The following CYFIP2 variants were observed in gnomAD, a reference collection of about 807,000 sequenced individuals.
CYFIP2 encodes cytoplasmic FMR1-interacting protein 2.
CYFIP2 carries 29 observed loss-of-function variants against 158.7 expected under a neutral mutation model. The observed-to-expected ratio is 0.18, with a 90% CI of 0.14 to 0.25. CYFIP2 has a LOEUF of 0.25. Among genes scored for constraint, CYFIP2 ranks in the 10% least tolerant of loss-of-function variants. CYFIP2 has a pLI of 1.00. For synonymous variants in CYFIP2, 585 were observed against 617.6 expected (o/e 0.95, Z 0.78); for missense variants, 852 against 1,639.5 (o/e 0.52, Z 8.29).
At chr5:157,334,213 A>G (rs1761693666) in intron 21 of CYFIP2, among the ~76,000 whole-genome samples, 1 of 152,256 alleles carries the variant, frequency 6.6e-6, no homozygotes. Flanking sequence ...TGAGGTTCCT[A>G]CAGTAGGCAA....
intron 5 of CYFIP2, 43 bp from the exon 6 acceptor site, chr5:157,300,672 A>G: frequency 7.0e-7 from 1 of 1,431,494 alleles, no homozygotes; most frequent in Non-Finnish European, 9.2e-7. Flanking sequence ...CTGCCCCCAT[A>G]AGGGAGCACA....
At chr5:157,323,547 C>T (rs1009398373) in intron 15 of CYFIP2, among the ~76,000 whole-genome samples, 13 of 152,208 alleles carry the variant, frequency 8.5e-5, no homozygotes, top group Admixed American at 2.6e-4. Flanking sequence ...CCTTGAACCC[C>T]GGTCTTTTGA....
chr5:157,368,569 C>T lies in CYFIP2; in HGVS notation c.3039+6971C>T, dbSNP rs76863317. ...CACAGATTATGTTTTTGGTTGAAAACGATCCATGCTTTGTGGAATGGAGGC... is the reference window on the plus strand; with the variant it reads ...CACAGATTATGTTTTTGGTTGAAAATGATCCATGCTTTGTGGAATGGAGGC... On this transcript the variant is annotated intron_variant, in intron 26 of 30. Transcript: ENST00000620254. Among the ~76,000 whole-genome samples, 98 of 152,328 alleles carry T rather than the reference C, an allele frequency of 6.4e-4. 1 individual carries two copies. In the East Asian group the frequency reaches 0.015, roughly 23 times the overall value.
chr5:157,320,069 TG>T, intron 14 of CYFIP2, 141 bp downstream of exon 14: 1 of 1,008,870 alleles, frequency 9.9e-7, no homozygotes, highest in Non-Finnish European at 1.5e-6. Context: ...ATTGGGCATT[TG>T]GGATGAATTA....
intron 17 of CYFIP2, 116 bp from the exon 18 acceptor site, chr5:157,326,055 A>T (rs1441723150): frequency 3.7e-6 from 3 of 800,892 alleles, no homozygotes; most frequent in Non-Finnish European, 6.3e-6. Context: ...TAAGAGAGGG[A>T]TGAAAGATGG....
chr5:157,319,623 T>C (rs1251798036), intron 13 of CYFIP2, 139 bp from the exon 14 acceptor site: 11 of 974,586 alleles, frequency 1.1e-5, no homozygotes, highest in South Asian at 1.1e-4. Context: ...TACCTAGCCA[T>C]GCGCTGGCAC....
At chr5:157,333,686 C>G (rs1213195089) in intron 21 of CYFIP2, among the ~76,000 whole-genome samples, 1 of 152,176 alleles carries the variant, frequency 6.6e-6, no homozygotes, top group Non-Finnish European at 1.5e-5. Flanking sequence ...ATGGCCAACC[C>G]TCAGACACAG....
intron 23 of CYFIP2, among the ~76,000 whole-genome samples, chr5:157,352,559 A>G (rs986252592): frequency 1.3e-5 from 2 of 152,220 alleles, no homozygotes; most frequent in Non-Finnish European, 2.9e-5. Flanking sequence ...TTGGCAACCA[A>G]TACATATGGA....
chr5:157,386,529 A>G (rs764664748), intron 28 of CYFIP2, among the ~76,000 whole-genome samples: 12 of 152,212 alleles, frequency 7.9e-5, no homozygotes, highest in Non-Finnish European at 1.6e-4. Context: ...GCCACTGTAT[A>G]GCAGATGCCT....
chr5:157,347,784 G>A (rs1042923678), intron 23 of CYFIP2, among the ~76,000 whole-genome samples: 1 of 152,204 alleles, frequency 6.6e-6, no homozygotes, highest in Non-Finnish European at 1.5e-5. Context: ...AGAATGTGAG[G>A]CCTCCAAGCC....
chr5:157,390,416 C>T, intron 29 of CYFIP2, 105 bp from the exon 30 acceptor site: 15 of 1,120,340 alleles, frequency 1.3e-5, no homozygotes, highest in Non-Finnish European at 1.6e-5. Flanking sequence ...GGCCCAAAGA[C>T]AGGCCTGCTT....
intron 26 of CYFIP2, among the ~76,000 whole-genome samples, chr5:157,373,986 G>T (rs1459216722): frequency 6.6e-6 from 1 of 152,180 alleles, no homozygotes; most frequent in Admixed American, 6.5e-5. Flanking sequence ...TTGCCTAGGG[G>T]TTGAATTAAG....
At chr5:157,304,644 T>C (rs1409327420) in intron 8 of CYFIP2, 1 of 202,394 alleles carries the variant, frequency 4.9e-6, no homozygotes, top group African/African-American at 3.9e-5. Flanking sequence ...CCCCTGTGGT[T>C]GGATATTTGT....
intron 1 of CYFIP2, among the ~76,000 whole-genome samples, chr5:157,282,998 C>T (rs1249187372): frequency 2.0e-5 from 3 of 152,156 alleles, no homozygotes; most frequent in Non-Finnish European, 4.4e-5. Context: ...AAACACCTAG[C>T]GTAGAGGTTG....
At chr5:157,342,905 C>T (rs762802394) in intron 23 of CYFIP2, 1 of 1,614,080 alleles carries the variant, frequency 6.2e-7, no homozygotes, top group South Asian at 1.1e-5. Flanking sequence ...GTCACCACCC[C>T]CCCTCTGTAA....
At chr5:157,318,388 C>T (rs1760320789) in intron 13 of CYFIP2, among the ~76,000 whole-genome samples, 1 of 152,206 alleles carries the variant, frequency 6.6e-6, no homozygotes, top group Non-Finnish European at 1.5e-5. Flanking sequence ...TTTACTCCTT[C>T]CTTTTTCCTA....
intron 23 of CYFIP2, among the ~76,000 whole-genome samples, chr5:157,349,966 T>C (rs1762960875): frequency 6.6e-6 from 1 of 152,196 alleles, no homozygotes; most frequent in African/African-American, 2.4e-5. Context: ...TGGGATTGTT[T>C]GTTTGTTTGT....
intron 21 of CYFIP2, among the ~76,000 whole-genome samples, chr5:157,335,198 T>G (rs1304860847): frequency 6.6e-6 from 1 of 152,202 alleles, no homozygotes; most frequent in Non-Finnish European, 1.5e-5. Context: ...TCTATAGAAA[T>G]GGAGGGAATA....
At chr5:157,278,060 C>T (rs1756702803) in intron 1 of CYFIP2, among the ~76,000 whole-genome samples, 1 of 151,992 alleles carries the variant, frequency 6.6e-6, no homozygotes, top group African/African-American at 2.4e-5. Context: ...ATATATGATC[C>T]ACTGTTGACT....
Sources: allele counts gnomAD v4.1 joint callset (sites outside exome capture counted in the v4.1 genomes callset), GRCh38; gene constraint gnomAD v4.1.1; transcripts MANE v1.5; gene names NCBI Gene and HGNC (gene_info 2026-07-23, HGNC 2026-07-21).